LARP1: variants seen among roughly 807,000 people sequenced by gnomAD.
LARP1 encodes la-related protein 1.
Under a neutral mutation model 122.7 loss-of-function variants are expected in LARP1, and 36 were observed. The ratio of observed to expected loss-of-function variants is 0.29; its 90% CI spans 0.22 to 0.39. LARP1 has a LOEUF of 0.39. Ranked by LOEUF, LARP1 falls within the 10% of genes least tolerant of loss-of-function variation. The pLI, the probability that LARP1 is intolerant of heterozygous loss-of-function variation, is 1.00. For missense variants in LARP1, 1,040 were observed against 1,403.6 expected (o/e 0.74, Z 4.14); for synonymous variants, 539 against 528.7 (o/e 1.02, Z -0.27).
intron 8 of LARP1, among the ~76,000 whole-genome samples, chr5:154,798,008 A>G (rs1228748340): frequency 6.6e-6 from 1 of 152,198 alleles, no homozygotes; most frequent in Non-Finnish European, 1.5e-5. Context: ...TACCTCCACT[A>G]CCACTGAAAA....
rs530969808 is a variant in LARP1, at chr5:154,728,310, G to A, written c.205+15180G>A. Among the ~76,000 whole-genome samples, 6 of 152,196 alleles carry A rather than the reference G, an allele frequency of 3.9e-5. No individual in the cohort carries two copies. The East Asian group carries it at 7.7e-4, about 20-fold the overall frequency. On this transcript the variant is annotated intron_variant, in intron 1 of 18. Transcript: ENST00000336314. Reference sequence around the variant, plus strand: ...ATGGTTGCAACAATTCTTCCCATTCGTGTACCCACACTCCTTTGTAGTGTG... The same window carrying A: ...ATGGTTGCAACAATTCTTCCCATTCATGTACCCACACTCCTTTGTAGTGTG...
chr5:154,811,726 T>G, intron 18 of LARP1, 86 bp downstream of exon 18: 1 of 1,545,200 alleles, frequency 6.5e-7, no homozygotes, highest in Admixed American at 1.7e-5. Context: ...GGTCCAGCTG[T>G]GCCCCTAGCC....
chr5:154,810,321 A>G (rs1216915750), intron 16 of LARP1, among the ~76,000 whole-genome samples: 1 of 151,694 alleles, frequency 6.6e-6, no homozygotes, highest in Non-Finnish European at 1.5e-5. Context: ...CTGTAGTTCC[A>G]GCTACACGGG....
chr5:154,786,517 C>T (rs2113747901), intron 1 of LARP1: 7 of 455,612 alleles, frequency 1.5e-5, no homozygotes, highest in Non-Finnish European at 2.6e-5. Context: ...AGGAAGAAGA[C>T]CCTCCTAGGG....
At position 154,780,635 on chromosome 5, in the gene LARP1, C is replaced by T. The variant is rs561674856; in HGVS notation, c.437-9690C>T. ...TTTTCTGTATGTACAATGAGATTCT[C>T]AAGTCTTTCCAGCCCTGACTTGGTC... On this transcript the variant is annotated intron_variant, in intron 1 of 18. Coordinates refer to ENST00000518297, the MANE Select transcript of LARP1 (RefSeq NM_033551.3). Among the ~76,000 whole-genome samples the T allele has an allele frequency of 9.8e-5, 15 of 152,330 alleles. No homozygotes were observed. The South Asian group carries it at 3.1e-3, about 32-fold the overall frequency.
upstream of LARP1, among the ~76,000 whole-genome samples, chr5:154,711,403 G>A (rs1755215981): frequency 6.6e-6 from 1 of 152,168 alleles, no homozygotes; most frequent in African/African-American, 2.4e-5. Context: ...GCCTCCCAAA[G>A]TGTTGGGATT....
At chr5:154,778,874 A>G (rs1756147389) in intron 1 of LARP1, among the ~76,000 whole-genome samples, 1 of 152,222 alleles carries the variant, frequency 6.6e-6, no homozygotes, top group Admixed American at 6.5e-5. Flanking sequence ...GTTAAATTTG[A>G]ATTTTAGATA....
chr5:154,769,349 A>G (rs1431749782), intron 1 of LARP1, among the ~76,000 whole-genome samples: 1 of 152,192 alleles, frequency 6.6e-6, no homozygotes, highest in Non-Finnish European at 1.5e-5. Context: ...CTTCCTTCCA[A>G]CATGAGGTCT....
chr5:154,748,583 G>A (rs1025747834), intron 1 of LARP1, among the ~76,000 whole-genome samples: 2 of 152,146 alleles, frequency 1.3e-5, no homozygotes, highest in African/African-American at 4.8e-5. Context: ...TGAAGGACAA[G>A]TAGAATTCAG....
intron 1 of LARP1, among the ~76,000 whole-genome samples, chr5:154,714,461 G>A (rs958776550): frequency 6.6e-6 from 1 of 152,318 alleles, no homozygotes; most frequent in Admixed American, 6.5e-5. Context: ...CTAACGACTC[G>A]TGGGATGGGA....
chr5:154,749,390 G>A (rs1753372310), intron 1 of LARP1, among the ~76,000 whole-genome samples: 2 of 152,232 alleles, frequency 1.3e-5, no homozygotes, highest in Non-Finnish European at 2.9e-5. Context: ...ACTGCAAACC[G>A]TCCTCCTCCT....
intron 1 of LARP1, among the ~76,000 whole-genome samples, chr5:154,778,257 C>CT (rs1756090946): frequency 3.8e-5 from 4 of 104,280 alleles, no homozygotes; most frequent in South Asian, 3.1e-4. Flanking sequence ...GAGACTCCGT[C>CT]TAAAAAAAAA....
rs908445859 is a variant in LARP1, at chr5:154,755,890, C to A, written c.133C>A (p.Arg45Ser). 131 of 1,012,262 alleles carry A rather than the reference C, an allele frequency of 1.3e-4. No homozygotes were observed. Among genetic ancestry groups the A allele is most frequent in the Admixed American group, 3.5e-4 (6 of 17,118 alleles). 62.7% of individuals were successfully genotyped at this position (1,012,262 alleles called of 1,614,324 possible). The change falls in exon 1 of 19, where the codon CGC becomes AGC. Residue 45 changes from arginine (R) to serine (S), a missense_variant. Arg to Ser is a moderately radical substitution (Grantham distance 110). Coordinates refer to ENST00000518297, the MANE Select transcript of LARP1 (RefSeq NM_033551.3). ...GKGEPGPNDVRGGEPDGSARR... is the reference protein window; with the variant it reads ...GKGEPGPNDVSGGEPDGSARR... ...GGGCGAGCCCGGGCCAAACGACGTC[C>A]GCGGGGGGGAGCCGGACGGCAGCGC...
At chr5:154,728,250 C>T (rs974286120) in intron 1 of LARP1, among the ~76,000 whole-genome samples, 2 of 152,204 alleles carry the variant, frequency 1.3e-5, no homozygotes, top group Middle Eastern at 3.4e-3. Context: ...CTGCGGATTC[C>T]GATGCAATGA....
chr5:154,730,214 A>C (rs1301045041), intron 1 of LARP1, among the ~76,000 whole-genome samples: 1 of 151,680 alleles, frequency 6.6e-6, no homozygotes, highest in Non-Finnish European at 1.5e-5. Flanking sequence ...TTTGAGGTGG[A>C]GTCTTGCTCT....
At chr5:154,739,946 C>T (rs1028838754) in intron 1 of LARP1, among the ~76,000 whole-genome samples, 2 of 152,028 alleles carry the variant, frequency 1.3e-5, no homozygotes, top group Non-Finnish European at 2.9e-5. Context: ...TGCCTGTAAT[C>T]CCAGCACTTC....
At chr5:154,689,484 GT>G (rs1254842328) in intron 1 of LARP1, among the ~76,000 whole-genome samples, 1 of 151,444 alleles carries the variant, frequency 6.6e-6, no homozygotes, top group Non-Finnish European at 1.5e-5. Flanking sequence ...ATCTGGCGAG[GT>G]GGCAGGCACC....
In LARP1 at chr5:154,728,341, G is replaced by A. The variant is rs549067272; in HGVS notation, c.205+15211G>A. ...CCACACTCCTTTGTAGTGTGACTTT[G>A]CCACTCTTTCAATCAAGAGATAGAG... is the stretch of plus-strand genomic sequence containing the variant. On this transcript the variant is annotated intron_variant, in intron 1 of 18. Coordinates refer to the LARP1 transcript ENST00000336314. Among the ~76,000 whole-genome samples, 19 of 152,220 alleles carry A rather than the reference G, an allele frequency of 1.2e-4. No individual in the cohort carries two copies. The South Asian group carries it at 3.7e-3, about 30-fold the overall frequency.
chr5:154,775,099 A>T (rs1277829930), intron 1 of LARP1, among the ~76,000 whole-genome samples: 1 of 152,158 alleles, frequency 6.6e-6, no homozygotes, highest in African/African-American at 2.4e-5. Context: ...ACTTGAGCCT[A>T]GGAGTTTCAG....
Sources: gnomAD v4.1 joint callset for allele counts (sites outside exome capture counted in the v4.1 genomes callset) on GRCh38, gnomAD v4.1.1 for gene constraint, MANE v1.5 for transcripts, NCBI Gene and HGNC (gene_info 2026-07-23, HGNC 2026-07-21) for gene names.